The following GPC6 variants were observed in gnomAD, a reference collection of about 807,000 sequenced individuals.
GPC6 encodes the protein glypican-6.
In GPC6, 14 loss-of-function variants were observed where a neutral mutation model predicts 55.2. The ratio of observed to expected loss-of-function variants is 0.25; its 90% CI spans 0.17 to 0.40. GPC6 has a LOEUF of 0.40. Among genes scored for constraint, GPC6 ranks in the 10% least tolerant of loss-of-function variants. GPC6 has a pLI of 1.00. For missense variants in GPC6, 641 were observed against 708.5 expected (o/e 0.90, Z 1.08); for synonymous variants, 278 against 259.6 (o/e 1.07, Z -0.68).
intron 4 of GPC6, among the ~76,000 whole-genome samples, chr13:94,279,537 G>A (rs1211007397): frequency 1.3e-5 from 2 of 151,914 alleles, no homozygotes; most frequent in Non-Finnish European, 2.9e-5. Context: ...GTGATGTTAG[G>A]GTATCGATCT....
chr13:93,996,974 T>C (rs2140420681), intron 3 of GPC6, among the ~76,000 whole-genome samples: 1 of 152,240 alleles, frequency 6.6e-6, no homozygotes. Context: ...AATTACCTCA[T>C]GAGTGAAATA....
At chr13:94,266,160 T>TTTTTTTTGTTTG (rs1555313268) in intron 4 of GPC6, among the ~76,000 whole-genome samples, 4 of 148,190 alleles carry the variant, frequency 2.7e-5, no homozygotes, top group African/African-American at 1.0e-4. Flanking sequence ...TCTTTTTTTT[T>TTTTTTTTGTTTG]TTTGTTTGTT....
intron 6 of GPC6, 37 bp downstream of exon 6, chr13:94,306,160 T>A: frequency 6.2e-7 from 1 of 1,612,414 alleles, no homozygotes; most frequent in Non-Finnish European, 8.5e-7. Context: ...GGCGGATGCT[T>A]TGTTTTACCA....
intron 1 of GPC6, among the ~76,000 whole-genome samples, chr13:93,301,918 C>T (rs748208737): frequency 5.9e-5 from 9 of 152,188 alleles, no homozygotes; most frequent in Non-Finnish European, 7.4e-5. Context: ...GGCATAATGA[C>T]GAGAAATTAC....
intron 2 of GPC6, among the ~76,000 whole-genome samples, chr13:93,717,975 A>G (rs1010522718): frequency 6.6e-6 from 1 of 151,702 alleles, no homozygotes; most frequent in African/African-American, 2.4e-5. Context: ...ATTCCATGGT[A>G]TATATGTGCC....
chr13:94,364,593 A>C (rs1397473432), intron 6 of GPC6, among the ~76,000 whole-genome samples: 1 of 152,150 alleles, frequency 6.6e-6, no homozygotes, highest in African/African-American at 2.4e-5. Context: ...TACAACCCTT[A>C]AATGTGTGAG....
At chr13:93,578,607 T>A (rs947425513) in intron 2 of GPC6, among the ~76,000 whole-genome samples, 13 of 151,594 alleles carry the variant, frequency 8.6e-5, no homozygotes, top group African/African-American at 3.1e-4. Flanking sequence ...GTTTGTTGAT[T>A]TTTGTTTATC....
At chr13:93,663,807 C>G (rs2139616803) in intron 2 of GPC6, among the ~76,000 whole-genome samples, 1 of 152,242 alleles carries the variant, frequency 6.6e-6, no homozygotes, top group South Asian at 2.1e-4. Context: ...AAGGACTGTG[C>G]TAGATGTATA....
chr13:93,878,770 C>T (rs930303998), intron 3 of GPC6, among the ~76,000 whole-genome samples: 4 of 152,100 alleles, frequency 2.6e-5, no homozygotes, highest in African/African-American at 9.7e-5. Context: ...ACTGAACCTG[C>T]TGGTATTTTG....
chr13:93,901,855 C>G (rs1171855951), intron 3 of GPC6, among the ~76,000 whole-genome samples: 5 of 146,934 alleles, frequency 3.4e-5, no homozygotes, highest in African/African-American at 1.3e-4. Flanking sequence ...GAGCTGAGAT[C>G]ACGCCACTGC....
At chr13:93,682,121 C>G (rs571523422) in intron 2 of GPC6, among the ~76,000 whole-genome samples, 16 of 152,082 alleles carry the variant, frequency 1.1e-4, no homozygotes, top group Non-Finnish European at 2.1e-4. Flanking sequence ...AGATAATAAG[C>G]AGACAGGAGT....
intron 3 of GPC6, among the ~76,000 whole-genome samples, chr13:93,997,507 C>T (rs1049290054): frequency 1.3e-5 from 2 of 152,068 alleles, no homozygotes; most frequent in Non-Finnish European, 2.9e-5. Context: ...AGAAGACCTC[C>T]TCTCCAAACC....
chr13:93,219,092 T>G, the GPC6 span, among the ~76,000 whole-genome samples: 2,490 of 149,108 alleles, frequency 0.017, 57 homozygotes, highest in East Asian at 0.095. Flanking sequence ...TCTTTCCTAT[T>G]TTTTTTTTTT....
chr13:93,362,509 C>A (rs77061079), intron 1 of GPC6, among the ~76,000 whole-genome samples: 6,240 of 152,110 alleles, frequency 0.041, 172 homozygotes, highest in Non-Finnish European at 0.061. Context: ...GAAAGGTGCC[C>A]AAATATATTA....
chr13:93,465,634 A>G (rs1014484560), intron 1 of GPC6, among the ~76,000 whole-genome samples: 8 of 152,168 alleles, frequency 5.3e-5, no homozygotes, highest in Non-Finnish European at 1.0e-4. Context: ...TTGATCTTCT[A>G]TGTAGAGCAC....
chr13:93,311,868 G>T (rs1879079257), intron 1 of GPC6, among the ~76,000 whole-genome samples: 1 of 152,100 alleles, frequency 6.6e-6, no homozygotes, highest in African/African-American at 2.4e-5. Flanking sequence ...CTGGATGTCG[G>T]TTAACTACTG....
chr13:93,406,982 AAAG>A (rs1876317378), intron 1 of GPC6, among the ~76,000 whole-genome samples: 1 of 152,210 alleles, frequency 6.6e-6, no homozygotes. Flanking sequence ...TGATTTTTAA[AAAG>A]AAAATTTAAA....
chr13:94,306,404 C>A, intron 6 of GPC6: 2 of 478,552 alleles, frequency 4.2e-6, no homozygotes, highest in South Asian at 2.3e-5. Flanking sequence ...AATTTGAAAA[C>A]TAAGTTGCCA....
intron 1 of GPC6, among the ~76,000 whole-genome samples, chr13:93,313,825 C>A (rs1017274229): frequency 3.9e-5 from 6 of 151,940 alleles, no homozygotes; most frequent in African/African-American, 1.2e-4. Context: ...TACCATTGTG[C>A]CTGGCCTAAA....
Sources: gnomAD v4.1 joint callset for allele counts (sites outside exome capture counted in the v4.1 genomes callset) on GRCh38, gnomAD v4.1.1 for gene constraint, MANE v1.5 for transcripts, NCBI Gene and HGNC (gene_info 2026-07-23, HGNC 2026-07-21) for gene names.